Variants in FLT3 observed in about 807,000 individuals in gnomAD.
The protein encoded by FLT3 is receptor-type tyrosine-protein kinase FLT3.
FLT3 carries 46 observed loss-of-function variants against 126.6 expected under a neutral mutation model. The ratio of observed to expected loss-of-function variants is 0.36; its 90% CI spans 0.29 to 0.46. The LOEUF (loss-of-function observed/expected upper bound fraction) is 0.46. FLT3 is among the 20% of genes least tolerant of loss of function. FLT3 has a pLI of 1.00. For missense variants in FLT3, 1,069 were observed against 1,190.3 expected (o/e 0.90, Z 1.50); for synonymous variants, 404 against 434.4 (o/e 0.93, Z 0.87).
chr13:28,090,891 C>T, intron 1 of FLT3, among the ~76,000 whole-genome samples: 1 of 152,088 alleles, frequency 6.6e-6, no homozygotes, highest in Admixed American at 6.6e-5. Context: ...AATCCAGTTC[C>T]AAACACATTC....
chr13:28,050,963 T>C (rs1481618051), intron 5 of FLT3, among the ~76,000 whole-genome samples: 3 of 152,236 alleles, frequency 2.0e-5, no homozygotes, highest in Admixed American at 2.0e-4. Flanking sequence ...TTACTTAGTA[T>C]TGGCTAGGCA....
intron 10 of FLT3, among the ~76,000 whole-genome samples, chr13:28,036,843 G>A (rs552452413): frequency 1.3e-5 from 2 of 152,308 alleles, no homozygotes; most frequent in Admixed American, 1.3e-4. Flanking sequence ...AGCTGAGCAT[G>A]GTGGCGCGTG....
chr13:28,021,044 T>C (rs1872341231), intron 19 of FLT3, among the ~76,000 whole-genome samples: 1 of 152,122 alleles, frequency 6.6e-6, no homozygotes, highest in Non-Finnish European at 1.5e-5. Context: ...TACTTAGCTA[T>C]GGGCAGCAAA....
chr13:28,064,783 C>G (rs904398388), intron 2 of FLT3, among the ~76,000 whole-genome samples: 4 of 152,100 alleles, frequency 2.6e-5, no homozygotes, highest in African/African-American at 9.7e-5. Flanking sequence ...CCTGCACAAC[C>G]CTTCTGGAGA....
At chr13:28,060,329 C>T (rs572597408) in intron 3 of FLT3, among the ~76,000 whole-genome samples, 124 of 149,056 alleles carry the variant, frequency 8.3e-4, no homozygotes, top group Non-Finnish European at 1.1e-3. Context: ...GGCTGAGGCA[C>T]GAGAATTGCT....
chr13:28,047,252 G>T (rs1460542043), intron 9 of FLT3, among the ~76,000 whole-genome samples: 3 of 152,160 alleles, frequency 2.0e-5, no homozygotes, highest in East Asian at 1.9e-4. Context: ...CTAGTCCATT[G>T]ACTTGTTTGA....
At chr13:28,049,984 G>C in intron 6 of FLT3, 111 bp downstream of exon 6, 1 of 1,282,240 alleles carries the variant, frequency 7.8e-7, no homozygotes, top group South Asian at 1.4e-5. Flanking sequence ...TGACCTGAAG[G>C]AATGATAGGA....
chr13:28,033,072 C>A (rs540804234), intron 15 of FLT3, among the ~76,000 whole-genome samples: 73 of 151,738 alleles, frequency 4.8e-4, no homozygotes, highest in African/African-American at 1.7e-3. Context: ...GTAATCCCAG[C>A]ACTTTAGGAG....
chr13:28,010,194 C>G (rs1871240712), intron 23 of FLT3, among the ~76,000 whole-genome samples: 2 of 152,264 alleles, frequency 1.3e-5, no homozygotes, highest in South Asian at 2.1e-4. Context: ...TAATGATGAA[C>G]CAAACAGATG....
intron 2 of FLT3, among the ~76,000 whole-genome samples, chr13:28,065,684 C>T (rs1593281029): frequency 1.4e-5 from 2 of 139,318 alleles, no homozygotes; most frequent in Non-Finnish European, 3.0e-5. Context: ...AATAATAATC[C>T]AGGTGTGGTG....
rs769234618 is a variant in FLT3, at chr13:28,037,198, C to A, written c.1296G>T (p.Thr432=). The part of the protein sequence containing the change: ...NDDAQFTKMF[T]LNIRRKPQVL... The stretch of plus-strand genomic sequence containing the variant: ...AATTTAACTTACTTCTTATATTCAG[C>A]GTGAACATTTTGGTAAATTGGGCAT... The change falls in exon 10 of 24, where the codon ACG becomes ACT. Residue 432 remains threonine (T), a synonymous_variant. Transcript: ENST00000241453. 6.4e-7 allele frequency: 1 copy of A among 1,573,274 alleles called. No homozygotes were observed. The highest frequency in any genetic ancestry group is 8.7e-7 in the Non-Finnish European group (1 of 1,143,318).
intron 2 of FLT3, among the ~76,000 whole-genome samples, chr13:28,066,315 G>A (rs1468246176): frequency 6.6e-6 from 1 of 152,216 alleles, no homozygotes; most frequent in East Asian, 1.9e-4. Flanking sequence ...AGAGGGCCTA[G>A]AAGCAATGAT....
chr13:28,004,080 G>C lies in FLT3; in HGVS notation c.2954C>G (p.Ser985Cys). 1 of 1,614,134 alleles carries C rather than the reference G, an allele frequency of 6.2e-7. No individual in the cohort carries two copies. Reference sequence around the variant, plus strand: ...CGAATCTTCGACCTGAGCCTGCGGAGAGAGTAGCCCCAAATCCATCTCTCT... The same window carrying C: ...CGAATCTTCGACCTGAGCCTGCGGACAGAGTAGCCCCAAATCCATCTCTCT... ...FSREMDLGLL[S>C]PQAQVEDS Residue 985 changes from serine to cysteine, a missense_variant, in exon 24 of 24, where the codon TCT becomes TGT. Transcript: ENST00000241453.
intron 9 of FLT3, among the ~76,000 whole-genome samples, chr13:28,039,579 C>T (rs61944703): frequency 0.18 from 26,584 of 143,980 alleles, 2,503 homozygotes; most frequent in Admixed American, 0.23. Context: ...GATGGAGTCT[C>T]ACTCTGTCGC....
intron 9 of FLT3, among the ~76,000 whole-genome samples, chr13:28,045,983 A>G (rs913739568): frequency 6.7e-6 from 1 of 148,624 alleles, no homozygotes; most frequent in Non-Finnish European, 1.5e-5. Context: ...TCAATTTGGC[A>G]GTGTCTGGAG....
chr13:28,012,309 A>G (rs958103662), intron 23 of FLT3, among the ~76,000 whole-genome samples: 1 of 152,152 alleles, frequency 6.6e-6, no homozygotes. Context: ...CCCTGAACAC[A>G]GGAAAGGGGA....
At chr13:28,019,661 C>T (rs1012195135) in intron 19 of FLT3, among the ~76,000 whole-genome samples, 1 of 152,182 alleles carries the variant, frequency 6.6e-6, no homozygotes, top group Non-Finnish European at 1.5e-5. Context: ...GCCTCCTCCT[C>T]CTGCCTGTCT....
rs530322867 is a variant in FLT3 at position 28,091,849 on chromosome 13, C to T, written c.43+8619G>A. 3.3e-5 allele frequency among the ~76,000 whole-genome samples: 5 copies of T among 152,186 alleles called. 1 individual carries two copies. In the East Asian group the frequency reaches 5.9e-4, roughly 18 times the overall value. ...CTTTGGGAGGCCAAGGCAGGTGGATCGCTTGACGTCAGGAGTTCGAAACCA... is the reference window on the plus strand; with the variant it reads ...CTTTGGGAGGCCAAGGCAGGTGGATTGCTTGACGTCAGGAGTTCGAAACCA... On this transcript the variant is annotated intron_variant, in intron 1 of 23. Coordinates refer to ENST00000241453, the MANE Select transcript of FLT3 (RefSeq NM_004119.3).
intron 2 of FLT3, among the ~76,000 whole-genome samples, chr13:28,067,275 G>A (rs1877119344): frequency 6.6e-6 from 1 of 152,120 alleles, no homozygotes; most frequent in Non-Finnish European, 1.5e-5. Flanking sequence ...CACCTGCCTG[G>A]GCCTCCCAAA....
Sources: allele counts gnomAD v4.1 joint callset (sites outside exome capture counted in the v4.1 genomes callset), GRCh38; gene constraint gnomAD v4.1.1; transcripts MANE v1.5; gene names NCBI Gene and HGNC (gene_info 2026-07-23, HGNC 2026-07-21).